Variants in ZNF44 observed in about 807,000 individuals in gnomAD.
ZNF44 encodes gonadotropin inducible transcription repressor-2.
In ZNF44, 9 loss-of-function variants were observed where a neutral mutation model predicts 11.7. The ratio of observed to expected loss-of-function variants is 0.77; its 90% CI spans 0.46 to 1.35. The LOEUF (loss-of-function observed/expected upper bound fraction) is 1.35, where lower values mean the gene tolerates loss of function less well. Ranked by LOEUF, ZNF44 falls within the 40% of genes most tolerant of loss-of-function variation. The probability of loss-of-function intolerance (pLI) is 0.00; values close to 1 mark genes in which losing one functional copy is unlikely to be tolerated. For synonymous variants in ZNF44, 224 were observed against 242.7 expected (o/e 0.92, Z 0.72); for missense variants, 696 against 743.1 (o/e 0.94, Z 0.74).
In ZNF44 at chr19:12,273,247, A is replaced by C. The variant is rs1967046991; in HGVS notation, c.1008T>G (p.Pro336=). The C allele has an allele frequency of 1.2e-6, 2 of 1,614,032 alleles. No individual in the cohort carries two copies. The highest frequency in any genetic ancestry group is 1.7e-6 in the Non-Finnish European group (2 of 1,179,992). Reference sequence around the variant, plus strand: ...CTTTCCCACATATCTTACATTTATGAGGTCCATCTCCACTGTGCATTATCA... The same window carrying C: ...CTTTCCCACATATCTTACATTTATGCGGTCCATCTCCACTGTGCATTATCA... ...RHMIMHSGDG[P]HKCKICGKGF... The change falls in exon 4 of 4, where the codon CCT becomes CCG. Residue 336 remains proline, a synonymous_variant. Transcript: ENST00000355684.
downstream of ZNF44, among the ~76,000 whole-genome samples, chr19:12,243,472 A>G (rs1244679600): frequency 1.3e-5 from 2 of 152,214 alleles, no homozygotes; most frequent in Non-Finnish European, 2.9e-5. Flanking sequence ...AGTGTCCACC[A>G]GGTTTATTCA....
chr19:12,281,671 G>A (rs1967480078), intron 1 of ZNF44, among the ~76,000 whole-genome samples: 1 of 152,042 alleles, frequency 6.6e-6, no homozygotes, highest in South Asian at 2.1e-4. Context: ...TAAGCCCATA[G>A]CCAAGTTAAC....
chr19:12,286,361 C>T (rs546102935), intron 1 of ZNF44, among the ~76,000 whole-genome samples: 27 of 152,134 alleles, frequency 1.8e-4, no homozygotes, highest in Admixed American at 2.6e-4. Flanking sequence ...GGAGGCCGGG[C>T]GCGGTGGCTC....
At chr19:12,226,667 G>A (rs188098074) in intron 3 of ZNF44, 18 of 152,310 alleles carry the variant, frequency 1.2e-4, no homozygotes, top group African/African-American at 4.3e-4. Flanking sequence ...TTTTGTTCAT[G>A]GAAGCATACT....
upstream of ZNF44, among the ~76,000 whole-genome samples, chr19:12,240,505 A>G (rs1475968607): frequency 6.6e-6 from 1 of 151,922 alleles, no homozygotes. Flanking sequence ...AATCTCCCCT[A>G]ATACCAAAAC....
At chr19:12,225,481 T>C (rs1338820072), downstream of ZNF44, among the ~76,000 whole-genome samples, 4 of 152,334 alleles carry the variant, frequency 2.6e-5, no homozygotes, top group South Asian at 2.1e-4. Flanking sequence ...TTGGCTGATA[T>C]AGAAACAACA....
intron 1 of ZNF44, among the ~76,000 whole-genome samples, chr19:12,289,643 CTTTTTT>C (rs34329118): frequency 8.5e-6 from 1 of 117,908 alleles, no homozygotes; most frequent in African/African-American, 3.4e-5. Flanking sequence ...TAAACTCATT[CTTTTTT>C]TTTTTTTTTT....
At chr19:12,228,734 CA>C in intron 3 of ZNF44, among the ~76,000 whole-genome samples, 1 of 152,202 alleles carries the variant, frequency 6.6e-6, no homozygotes, top group East Asian at 1.9e-4. Context: ...TTTCCCAAAA[CA>C]AACTTCCTTC....
intron 5 of ZNF44, chr19:12,250,788 T>C (rs1916960644): frequency 2.2e-6 from 1 of 456,184 alleles, no homozygotes. Flanking sequence ...CTAGAAGCTT[T>C]TTCTACTATT....
At chr19:12,236,437 ACTACATAACCAGAACATTTCCAC>A (rs1916392004) in intron 1 of ZNF44, among the ~76,000 whole-genome samples, 1 of 152,208 alleles carries the variant, frequency 6.6e-6, no homozygotes, top group Admixed American at 6.5e-5. Context: ...TTAGCCTCCG[ACTACATAACCAGAACATTTCCAC>A]CTGGATAGAC....
rs572164083 is a variant in ZNF44 at position 12,271,998 on chromosome 19, CTTTT to C, written c.*405_*408del. On this transcript the variant is annotated 3_prime_UTR_variant, in exon 4 of 4. Transcript: ENST00000355684. The stretch of plus-strand genomic sequence containing the variant: ...CAACTCTATTTGAAAGAAATGGAAA[CTTTT>C]TTTTTTTTTTTTGAGATGGAGTCTC... 3 of 141,794 alleles carry C rather than the reference CTTTT, an allele frequency of 2.1e-5. No homozygotes were observed. Among genetic ancestry groups the C allele is most frequent in the Non-Finnish European group, 4.6e-5 (3 of 64,998 alleles). 8.8% of individuals were successfully genotyped at this position (141,794 alleles called of 1,614,324 possible). A position where few individuals can be genotyped will look rare whatever the true frequency, so the allele number is the denominator to read the frequency against.
chr19:12,243,987 A>T (rs915996022), downstream of ZNF44, among the ~76,000 whole-genome samples: 1 of 151,810 alleles, frequency 6.6e-6, no homozygotes, highest in South Asian at 2.1e-4. Context: ...GGGTTTTTAA[A>T]TTTATTTTTT....
chr19:12,284,607 T>G (rs1164132762), intron 1 of ZNF44: 1 of 722,968 alleles, frequency 1.4e-6, no homozygotes, highest in African/African-American at 1.7e-5. Flanking sequence ...CCTGGGGGCC[T>G]CTCTCAAGGA....
chr19:12,243,944 T>C (rs1476135329), downstream of ZNF44, among the ~76,000 whole-genome samples: 7 of 152,168 alleles, frequency 4.6e-5, no homozygotes, highest in African/African-American at 1.7e-4. Context: ...TTCCGGCCAT[T>C]TGTATGTCTT....
At chr19:12,290,469 A>G (rs1967960877) in intron 1 of ZNF44, among the ~76,000 whole-genome samples, 1 of 150,346 alleles carries the variant, frequency 6.7e-6, no homozygotes, top group African/African-American at 2.4e-5. Flanking sequence ...TTGGGAGGCC[A>G]AGGCCGGTGG....
At chr19:12,250,305 G>T in exon 6 of ZNF44, 1 of 1,367,068 alleles carries the variant, frequency 7.3e-7, no homozygotes. Context: ...TTCTGTGAAG[G>T]ATCCAGCAAA....
chr19:12,294,836 T>A lies in ZNF44; in HGVS notation c.-142A>T. On this transcript the variant is annotated 5_prime_UTR_variant, in exon 1 of 4. Transcript: ENST00000355684. Reference sequence around the variant, plus strand: ...GAGGTCACCAGGGTGAAGAGGCCACTAGCTCCTGGAACGTCACACCCTCCT... The same window carrying A: ...GAGGTCACCAGGGTGAAGAGGCCACAAGCTCCTGGAACGTCACACCCTCCT... 1 of 948,750 alleles carries A rather than the reference T, an allele frequency of 1.1e-6. No homozygotes were observed. Among genetic ancestry groups the A allele is most frequent in the Non-Finnish European group, 1.5e-6 (1 of 666,336 alleles). 58.8% of individuals were successfully genotyped at this position (948,750 alleles called of 1,614,324 possible).
chr19:12,248,705 A>G (rs1916858070), intron 7 of ZNF44: 1 of 1,168,886 alleles, frequency 8.6e-7, no homozygotes, highest in Non-Finnish European at 1.1e-6. Flanking sequence ...GCACATTAAT[A>G]GTTCATTTTT....
chr19:12,258,042 G>A (rs544652868), intron 5 of ZNF44, among the ~76,000 whole-genome samples: 22 of 150,850 alleles, frequency 1.5e-4, no homozygotes, highest in African/African-American at 4.9e-4. Context: ...AGAAATACTC[G>A]GCCAAGTGCA....
Sources: allele counts gnomAD v4.1 joint callset (sites outside exome capture counted in the v4.1 genomes callset), GRCh38; gene constraint gnomAD v4.1.1; transcripts MANE v1.5; gene names NCBI Gene and HGNC (gene_info 2026-07-23, HGNC 2026-07-21).